The following SLTM variants were observed in gnomAD, a reference collection of about 807,000 sequenced individuals.
SLTM encodes the protein SAFB-like transcription modulator.
Under a neutral mutation model 134.6 loss-of-function variants are expected in SLTM, and 43 were observed. That is an observed-to-expected ratio of 0.32 (90% CI 0.25 to 0.41). SLTM has a LOEUF of 0.41. SLTM is among the 10% of genes least tolerant of loss of function. SLTM has a pLI of 1.00. For missense variants in SLTM, 1,055 were observed against 1,288.8 expected, an observed-to-expected ratio of 0.82 and a Z score of 2.78; for synonymous variants, 424 against 432.3, an observed-to-expected ratio of 0.98 and a Z score of 0.24.
chr15:58,926,864 G>A (rs903048344), intron 2 of SLTM, among the ~76,000 whole-genome samples: 2 of 151,962 alleles, frequency 1.3e-5, no homozygotes, highest in Non-Finnish European at 2.9e-5. Context: ...CACCCACCTC[G>A]GCCTCCCAAA....
chr15:58,886,178 T>C (rs1344929609), intron 19 of SLTM, among the ~76,000 whole-genome samples: 2 of 151,446 alleles, frequency 1.3e-5, no homozygotes, highest in African/African-American at 2.4e-5. Flanking sequence ...ATTTCAATTT[T>C]ACACTTTAAG....
At chr15:58,928,736 TTAAC>T (rs1192229803) in intron 2 of SLTM, among the ~76,000 whole-genome samples, 31 of 152,320 alleles carry the variant, frequency 2.0e-4, no homozygotes, top group Admixed American at 1.2e-3. Flanking sequence ...TTCTCGTCAT[TTAAC>T]TTTTATTCAC....
intron 5 of SLTM, among the ~76,000 whole-genome samples, chr15:58,910,025 T>TA (rs1378704908): frequency 6.6e-6 from 1 of 152,156 alleles, no homozygotes. Flanking sequence ...CAGCATATAA[T>TA]AGAGAAAAAT....
chr15:58,884,823 G>T (rs1201612948), intron 19 of SLTM, among the ~76,000 whole-genome samples: 2 of 151,942 alleles, frequency 1.3e-5, no homozygotes, highest in African/African-American at 4.8e-5. Flanking sequence ...CTATGGAGAT[G>T]GGGGTCTCAC....
chr15:58,903,699 T>A (rs1055256986), intron 5 of SLTM, among the ~76,000 whole-genome samples: 3 of 144,192 alleles, frequency 2.1e-5, no homozygotes, highest in Non-Finnish European at 4.5e-5. Context: ...ATAATAATAA[T>A]AAAAAGATTA....
At chr15:58,912,737 T>C (rs1013729824) in intron 4 of SLTM, 127 bp from the exon 5 acceptor site, 20 of 708,832 alleles carry the variant, frequency 2.8e-5, no homozygotes, top group Non-Finnish European at 4.1e-5. Flanking sequence ...CCATGGGTAC[T>C]AAATCAATGC....
At chr15:58,914,367 C>G (rs750199783) in intron 3 of SLTM, among the ~76,000 whole-genome samples, 1 of 152,124 alleles carries the variant, frequency 6.6e-6, no homozygotes, top group Non-Finnish European at 1.5e-5. Context: ...CCTGTTCTTA[C>G]GGTAAATCCA....
rs758145380 is a variant in SLTM, at chr15:58,899,601, T to G, written c.926A>C (p.Glu309Ala). The change falls in exon 7 of 21, where the codon GAA (glutamate) becomes GCA (alanine). Residue 309 changes from glutamate to alanine, a missense_variant. Physicochemically the swap from Glu to Ala is moderately radical, Grantham distance 107. Transcript: ENST00000380516. This position sits in a 1 kb window ranked among gnomAD's most constrained non-coding sequence, Gnocchi z 5.0. The part of the protein sequence containing the change: ...MNANHKDGKK[E>A]DCVKGDPVEK... The stretch of plus-strand genomic sequence containing the variant: ...GACAGGGTCACCCTTCACGCAGTCT[T>G]CCTTCTTACCATCTTTATGGTTCGC... 4 of 1,614,080 alleles carry G rather than the reference T, an allele frequency of 2.5e-6. No homozygotes were observed. In the South Asian group the frequency reaches 4.4e-5, roughly 18 times the overall value.
chr15:58,887,015 C>T lies in SLTM; in HGVS notation c.2795G>A (p.Gly932Glu). 1 of 1,613,046 alleles carries T rather than the reference C, an allele frequency of 6.2e-7. No individual in the cohort carries two copies. Among genetic ancestry groups the T allele is most frequent in the Non-Finnish European group, 8.5e-7 (1 of 1,180,016 alleles). ...TCGGTCTGTGATGACTCCTCTGTCT[C>T]CCTCTCTGCTCCCGTACCCCGAAGC... ...SSASGYGSRE[G>E]DRGVITDRGG... The change falls in exon 19 of 21, where the codon GGA becomes GAA. Residue 932 changes from glycine (G) to glutamate (E), a missense_variant. Around this residue, in one of 3 missense-constraint regions of SLTM, gnomAD observed 776 missense variants for 962.2 expected, o/e 0.81. Transcript: ENST00000380516.
Position 58,932,400 on chromosome 15 carries a change from G to A in SLTM, c.206C>T (p.Thr69Ile). ...CTTGTTTGGAGTATCAGTTGAAACA[G>A]TTAATTCAATATTATCTGGATCGCC... ...EGGDPDNIEL[T>I]VSTDTPNKKP... Residue 69 changes from threonine to isoleucine, a missense_variant, in exon 2 of 21, where the codon ACT (threonine) becomes ATT (isoleucine). By Grantham distance (89) the Thr-to-Ile change is moderately conservative. This residue lies in a region of SLTM where 268 missense variants were observed against 284.3 expected (regional missense o/e 0.94). Coordinates refer to ENST00000380516, the MANE Select transcript of SLTM (RefSeq NM_024755.4). The A allele has an allele frequency of 6.2e-7, 1 of 1,613,622 alleles. No homozygotes were observed. The highest frequency in any genetic ancestry group is 8.5e-7 in the Non-Finnish European group (1 of 1,179,588).
At chr15:58,890,067 G>T in intron 15 of SLTM, 1 of 583,534 alleles carries the variant, frequency 1.7e-6, no homozygotes, top group Non-Finnish European at 3.0e-6. Context: ...ATATTGCAGA[G>T]CTAGAATTAT....
At chr15:58,891,107 C>A (rs1263583074) in intron 14 of SLTM, among the ~76,000 whole-genome samples, 1 of 152,138 alleles carries the variant, frequency 6.6e-6, no homozygotes, top group African/African-American at 2.4e-5. Flanking sequence ...AGTCAGCATC[C>A]TTTTCTGTCA....
In SLTM at chr15:58,918,503, A is replaced by C. The variant is rs528444547; in HGVS notation, c.251-1504T>G. On this transcript the variant is annotated intron_variant, in intron 2 of 20. Transcript: ENST00000380516. ...GTGATAAAAGGGGAAAAGATATGCTAGTCCTTCCAAGTATGTAAAAAACAA... is the reference window on the plus strand; with the variant it reads ...GTGATAAAAGGGGAAAAGATATGCTCGTCCTTCCAAGTATGTAAAAAACAA... 2.0e-5 allele frequency among the ~76,000 whole-genome samples: 3 copies of C among 152,352 alleles called. No individual in the cohort carries two copies. In the South Asian group the frequency reaches 6.2e-4, roughly 32 times the overall value.
Position 58,893,987 on chromosome 15 carries a change from C to T in SLTM, c.1482G>A (p.Lys494=). Residue 494 remains lysine, a splice_region_variant and synonymous_variant, in exon 12 of 21, where the codon AAG becomes AAA. Transcript: ENST00000380516. ...CTTCTTTTTTGACAGAGGCTTGTGT[C>T]CTGACCATACCGCCCCAGACAAAAA... ...DKKNTSDRSS[K]TQASVKKEEK... 1 of 1,608,138 alleles carries T rather than the reference C, an allele frequency of 6.2e-7. No individual in the cohort carries two copies. The highest frequency in any genetic ancestry group is 2.2e-5 in the East Asian group (1 of 44,808).
intron 5 of SLTM, among the ~76,000 whole-genome samples, chr15:58,910,637 A>G (rs1306145998): frequency 6.6e-6 from 1 of 152,184 alleles, no homozygotes; most frequent in African/African-American, 2.4e-5. Flanking sequence ...ACAGAAGCTA[A>G]TATCTAGCTG....
chr15:58,885,814 A>AAAC (rs1307874796), intron 19 of SLTM, among the ~76,000 whole-genome samples: 1 of 144,256 alleles, frequency 6.9e-6, no homozygotes, highest in Non-Finnish European at 1.5e-5. Context: ...AAAACAAAAA[A>AAAC]AACAACAACA....
intron 3 of SLTM, among the ~76,000 whole-genome samples, chr15:58,914,895 A>T (rs933002236): frequency 6.6e-6 from 1 of 152,196 alleles, no homozygotes; most frequent in African/African-American, 2.4e-5. Flanking sequence ...TTTACACAGA[A>T]TTTTTAAAAA....
intron 5 of SLTM, among the ~76,000 whole-genome samples, chr15:58,902,463 T>C (rs2035552272): frequency 6.6e-6 from 1 of 151,618 alleles, no homozygotes; most frequent in South Asian, 2.1e-4. Context: ...CATAGCTCAC[T>C]GCAGCCTCAA....
chr15:58,931,609 T>C (rs1448813608), intron 2 of SLTM, among the ~76,000 whole-genome samples: 1 of 152,194 alleles, frequency 6.6e-6, no homozygotes, highest in Non-Finnish European at 1.5e-5. Flanking sequence ...GGGAGAAATT[T>C]GCAGTTATTC....
Sources: gnomAD v4.1 joint callset for allele counts (sites outside exome capture counted in the v4.1 genomes callset) on GRCh38, gnomAD v4.1.1 for gene constraint, gnomAD v4.1.1 regional missense constraint, Gnocchi (gnomAD v3.1) non-coding constraint, MANE v1.5 for transcripts, NCBI Gene and HGNC (gene_info 2026-07-23, HGNC 2026-07-21) for gene names.